The following UGGT2 variants were observed in gnomAD, a reference collection of about 807,000 sequenced individuals.
UGGT2 encodes the protein UDP-glucose:glycoprotein glucosyltransferase 2.
A neutral mutation model predicts 192.1 loss-of-function variants in UGGT2; 180 were observed. That is an observed-to-expected ratio of 0.94 (90% CI 0.83 to 1.06). The LOEUF is 1.06. UGGT2 is among the 50% of genes least tolerant of loss of function. The pLI is 0.00. For synonymous variants in UGGT2, 580 were observed against 591.0 expected (o/e 0.98, Z 0.27); for missense variants, 1,849 against 1,795.7 (o/e 1.03, Z -0.54).
rs561346708 is a variant in UGGT2 at position 95,905,196 on chromosome 13, G to C, written c.2296-2136C>G. On this transcript the variant is annotated intron_variant, in intron 20 of 38. Transcript: ENST00000376747. The stretch of plus-strand genomic sequence containing the variant: ...CATTCATTGTAGATTCTGGATATTA[G>C]CCCTTTGTCAGATGAGTAGGTTGTG... 1.2e-4 allele frequency among the ~76,000 whole-genome samples: 18 copies of C among 151,650 alleles called. No homozygotes were observed. The East Asian group carries it at 3.3e-3, about 28-fold the overall frequency.
chr13:95,802,231 G>A (rs1884094266), intron 38 of UGGT2, among the ~76,000 whole-genome samples: 1 of 152,188 alleles, frequency 6.6e-6, no homozygotes, highest in East Asian at 1.9e-4. Flanking sequence ...CGTCATCTAA[G>A]ATGGGAGGAC....
intron 36 of UGGT2, among the ~76,000 whole-genome samples, chr13:95,839,969 C>A (rs1290942874): frequency 6.6e-6 from 1 of 152,028 alleles, no homozygotes; most frequent in Non-Finnish European, 1.5e-5. Context: ...CATACAATGT[C>A]TATTTACATA....
At chr13:96,044,149 G>A (rs2053242175) in intron 1 of UGGT2, among the ~76,000 whole-genome samples, 1 of 152,052 alleles carries the variant, frequency 6.6e-6, no homozygotes, top group Non-Finnish European at 1.5e-5. Flanking sequence ...TAAGAAAACT[G>A]ACATTATATC....
intron 12 of UGGT2, among the ~76,000 whole-genome samples, chr13:95,967,469 CTTT>C (rs2050621651): frequency 1.0e-5 from 1 of 99,166 alleles, no homozygotes; most frequent in Non-Finnish European, 1.9e-5. Context: ...GCACCCCCAA[CTTT>C]TTTGTTTTTT....
intron 5 of UGGT2, among the ~76,000 whole-genome samples, chr13:96,003,071 A>G (rs2051858845): frequency 6.6e-6 from 1 of 152,146 alleles, no homozygotes; most frequent in African/African-American, 2.4e-5. Context: ...CTGGACAGCT[A>G]TCCTAAGCTT....
chr13:95,842,216 C>T (rs1887942032), intron 36 of UGGT2, among the ~76,000 whole-genome samples: 2 of 152,126 alleles, frequency 1.3e-5, no homozygotes, highest in Admixed American at 1.3e-4. Flanking sequence ...AATCCAGTCC[C>T]CAGGTAAGCA....
chr13:95,883,704 G>A (rs183641616), intron 27 of UGGT2, among the ~76,000 whole-genome samples: 1 of 152,120 alleles, frequency 6.6e-6, no homozygotes, highest in Non-Finnish European at 1.5e-5. Context: ...ATGCGAAACT[G>A]TGAGTTAATT....
Position 96,036,198 on chromosome 13 carries a change from A to G in UGGT2, c.159-4227T>C, listed in dbSNP as rs1209517274. Among the ~76,000 whole-genome samples, 5 of 152,250 alleles carry G rather than the reference A, an allele frequency of 3.3e-5. No homozygotes were observed. The East Asian group carries it at 9.6e-4, about 29-fold the overall frequency. ...ACTGAATAAAGAAAATGTGGTATATATACACTACAGAATACTATGCAGCCA... is the reference window on the plus strand; with the variant it reads ...ACTGAATAAAGAAAATGTGGTATATGTACACTACAGAATACTATGCAGCCA... On this transcript the variant is annotated intron_variant, in intron 1 of 38. Transcript: ENST00000376747.
intron 20 of UGGT2, among the ~76,000 whole-genome samples, chr13:95,907,542 A>T (rs905229199): frequency 1.3e-5 from 2 of 152,170 alleles, no homozygotes; most frequent in Non-Finnish European, 2.9e-5. Flanking sequence ...CCTCTGGGAC[A>T]AAGAGAAGGA....
At chr13:95,929,190 G>A (rs552397127) in intron 17 of UGGT2, among the ~76,000 whole-genome samples, 1 of 152,242 alleles carries the variant, frequency 6.6e-6, no homozygotes, top group South Asian at 2.1e-4. Context: ...GAGGGAGAGG[G>A]GGAGGGAGAA....
intron 12 of UGGT2, among the ~76,000 whole-genome samples, chr13:95,966,657 C>A (rs1039609554): frequency 2.0e-5 from 3 of 152,038 alleles, no homozygotes; most frequent in Non-Finnish European, 4.4e-5. Context: ...AAGAAAATAT[C>A]ACATGAATCT....
intron 4 of UGGT2, among the ~76,000 whole-genome samples, chr13:96,019,508 G>A (rs908510867): frequency 8.5e-5 from 13 of 152,080 alleles, no homozygotes; most frequent in African/African-American, 2.9e-4. Flanking sequence ...CCGAGAAAAG[G>A]CCATGGTAAA....
At chr13:95,957,870 CT>C (rs2050258533) in intron 12 of UGGT2, among the ~76,000 whole-genome samples, 1 of 152,296 alleles carries the variant, frequency 6.6e-6, no homozygotes, top group Admixed American at 6.5e-5. Flanking sequence ...ATTAAGATTA[CT>C]TACAAGGTCA....
chr13:95,992,303 T>A (rs1223114347), intron 7 of UGGT2, among the ~76,000 whole-genome samples: 1 of 152,254 alleles, frequency 6.6e-6, no homozygotes, highest in African/African-American at 2.4e-5. Context: ...TTTAATGACA[T>A]TCATTCTTCC....
rs1003226943 is a variant in UGGT2, at chr13:95,947,062, G to A, written c.1652C>T (p.Ser551Leu). The A allele has an allele frequency of 1.9e-6, 3 of 1,605,584 alleles. No homozygotes were observed. In the African/African-American group the frequency reaches 4.0e-5, roughly 22 times the overall value. ...FNYIAEEFDI[S>L]EAFISIVHMY... The stretch of plus-strand genomic sequence containing the variant: ...GTGTACTATAGAAATAAATGCTTCT[G>A]ATATATCAAATTCTTCTGCAATATA... Residue 551 changes from serine to leucine, a missense_variant, in exon 15 of 39, where the codon TCA becomes TTA. Physicochemically the swap from Ser to Leu is moderately radical, Grantham distance 145. Coordinates refer to ENST00000376747, the MANE Select transcript of UGGT2 (RefSeq NM_020121.4).
rs374949989 is a variant in UGGT2, at chr13:96,013,498, A to G, written c.486-17T>C. ...GGTCTAGTCCTAAGATAAAAGCAAA[A>G]CACAAAGTTTTGAAAAAACTGAAAG... On this transcript the variant is annotated splice_polypyrimidine_tract_variant and intron_variant, in intron 4 of 38. Transcript: ENST00000376747. 3.5e-4 allele frequency: 512 copies of G among 1,483,286 alleles called. 1 individual carries two copies. Among genetic ancestry groups the G allele is most frequent in the South Asian group, 1.4e-3 (94 of 68,814 alleles). 91.9% of individuals were successfully genotyped at this position (1,483,286 alleles called of 1,614,324 possible).
intron 31 of UGGT2, among the ~76,000 whole-genome samples, chr13:95,861,305 T>C (rs1332948314): frequency 6.6e-6 from 1 of 152,080 alleles, no homozygotes; most frequent in Non-Finnish European, 1.5e-5. Context: ...GGTGTGTGAG[T>C]GCTGCTGATG....
At chr13:96,031,719 A>C (rs1224179105) in intron 2 of UGGT2, among the ~76,000 whole-genome samples, 170 bp downstream of exon 2, 1 of 152,194 alleles carries the variant, frequency 6.6e-6, no homozygotes. Context: ...GTATTTTTGG[A>C]AACAGATGCT....
At chr13:95,938,052 C>T (rs1175122633) in intron 16 of UGGT2, among the ~76,000 whole-genome samples, 1 of 152,192 alleles carries the variant, frequency 6.6e-6, no homozygotes, top group East Asian at 1.9e-4. Flanking sequence ...TTTCCCTGCA[C>T]AAGTTCTCTT....
Sources: gnomAD v4.1 joint callset for allele counts (sites outside exome capture counted in the v4.1 genomes callset) on GRCh38, gnomAD v4.1.1 for gene constraint, MANE v1.5 for transcripts, NCBI Gene and HGNC (gene_info 2026-07-23, HGNC 2026-07-21) for gene names.